Variants in FSTL4 observed in about 807,000 individuals in gnomAD.
FSTL4 encodes the protein follistatin like 4.
Under a neutral mutation model 78.2 loss-of-function variants are expected in FSTL4, and 28 were observed. The ratio of observed to expected loss-of-function variants is 0.36; its 90% confidence interval spans 0.27 to 0.49. The LOEUF is 0.49. Among genes scored for constraint, FSTL4 ranks in the 20% least tolerant of loss-of-function variants. The probability of loss-of-function intolerance (pLI) is 0.98; values close to 1 mark genes in which losing one functional copy is unlikely to be tolerated. For synonymous variants in FSTL4, 422 were observed against 440.5 expected (o/e 0.96, Z 0.53); for missense variants, 922 against 1,084.9 (o/e 0.85, Z 2.11).
intron 6 of FSTL4, among the ~76,000 whole-genome samples, chr5:133,263,304 G>A (rs1468762512): frequency 1.3e-5 from 2 of 152,164 alleles, no homozygotes; most frequent in South Asian, 4.1e-4. Context: ...GAAATTTATT[G>A]ATGCATAAGT....
the FSTL4 span, among the ~76,000 whole-genome samples, chr5:133,740,336 G>A: frequency 2.6e-5 from 4 of 152,118 alleles, no homozygotes; most frequent in Non-Finnish European, 5.9e-5. Flanking sequence ...CCTGCCCCTG[G>A]CCCCACATCT....
chr5:133,413,087 AC>A (rs1561707866), intron 3 of FSTL4, among the ~76,000 whole-genome samples: 15 of 152,046 alleles, frequency 9.9e-5, no homozygotes, highest in African/African-American at 3.6e-4. Flanking sequence ...TTATTCTTCT[AC>A]TGTTTATCTC....
At chr5:133,373,378 T>A (rs909688455) in intron 4 of FSTL4, among the ~76,000 whole-genome samples, 7 of 150,946 alleles carry the variant, frequency 4.6e-5, no homozygotes, top group African/African-American at 1.7e-4. Flanking sequence ...ATTGGAAGAG[T>A]TTTTTCCGAG....
At chr5:133,718,067 AGTTT>A in the FSTL4 span, among the ~76,000 whole-genome samples, 2,851 of 151,368 alleles carry the variant, frequency 0.019, 83 homozygotes, top group African/African-American at 0.066. Context: ...TCCAATATTT[AGTTT>A]GTTTGTTTGT....
intron 3 of FSTL4, among the ~76,000 whole-genome samples, chr5:133,444,160 A>G (rs943907798): frequency 2.0e-5 from 3 of 152,234 alleles, no homozygotes; most frequent in South Asian, 2.1e-4. Context: ...TGTTTGTTAA[A>G]TGACTAAACA....
intron 3 of FSTL4, among the ~76,000 whole-genome samples, chr5:133,565,354 C>T (rs755726130): frequency 2.6e-5 from 4 of 152,178 alleles, no homozygotes; most frequent in African/African-American, 9.7e-5. Context: ...AATTCCCAGA[C>T]CTAAAAATAC....
chr5:133,375,012 T>C lies in FSTL4; in HGVS notation c.409+25726A>G, dbSNP rs560251904. Among the ~76,000 whole-genome samples the C allele has an allele frequency of 7.9e-5, 12 of 151,944 alleles. No individual in the cohort carries two copies. In the East Asian group the frequency reaches 2.3e-3, roughly 29 times the overall value. ...ATCTTGGAGTCCCAAAACTTTAGAG[T>C]TGGATGGAACCTTGAGAGGCAATCA... On this transcript the variant is annotated intron_variant, in intron 4 of 15. Coordinates refer to ENST00000265342, the MANE Select transcript of FSTL4 (RefSeq NM_015082.2).
At chr5:133,669,695 G>A in the FSTL4 span, among the ~76,000 whole-genome samples, 1 of 152,166 alleles carries the variant, frequency 6.6e-6, no homozygotes, top group Non-Finnish European at 1.5e-5. Context: ...AGAACCAAGC[G>A]AGTCCAGAGG....
At chr5:133,723,016 C>T in the FSTL4 span, among the ~76,000 whole-genome samples, 2,690 of 152,236 alleles carry the variant, frequency 0.018, 82 homozygotes, top group African/African-American at 0.061. Context: ...GAGGTGATTT[C>T]TCTTGGTGTT....
chr5:133,315,148 C>T (rs1238221091), intron 5 of FSTL4, among the ~76,000 whole-genome samples: 2 of 152,110 alleles, frequency 1.3e-5, no homozygotes, highest in African/African-American at 2.4e-5. Context: ...GGTGACAGAG[C>T]GAGACCATGT....
intron 3 of FSTL4, among the ~76,000 whole-genome samples, chr5:133,538,014 C>T (rs2112915596): frequency 6.6e-6 from 1 of 152,214 alleles, no homozygotes; most frequent in East Asian, 1.9e-4. Context: ...TCAACACAGC[C>T]TCCTACAGTA....
intron 2 of FSTL4, among the ~76,000 whole-genome samples, chr5:133,594,634 C>T (rs11948984): frequency 0.21 from 31,877 of 152,188 alleles, 3,518 homozygotes; most frequent in East Asian, 0.32. Flanking sequence ...GCAGGCCTCT[C>T]CCGTTTGACA....
At chr5:133,394,135 G>A (rs924616469) in intron 4 of FSTL4, among the ~76,000 whole-genome samples, 6 of 152,358 alleles carry the variant, frequency 3.9e-5, no homozygotes, top group East Asian at 3.9e-4. Flanking sequence ...TGGGCTTCAC[G>A]GTCCCTCTTT....
the FSTL4 span, among the ~76,000 whole-genome samples, chr5:133,779,415 T>C: frequency 6.6e-6 from 1 of 152,094 alleles, no homozygotes; most frequent in Admixed American, 6.5e-5. Context: ...TGAAACCCCA[T>C]TTCTACTAAA....
chr5:133,388,448 GA>G (rs1245776209), intron 4 of FSTL4: 3 of 145,688 alleles, frequency 2.1e-5, no homozygotes, highest in Admixed American at 6.8e-5. Flanking sequence ...TCCAAGAACA[GA>G]ATGTTTTTTT....
chr5:133,378,327 C>T (rs1755490232), intron 4 of FSTL4, among the ~76,000 whole-genome samples: 1 of 152,116 alleles, frequency 6.6e-6, no homozygotes, highest in African/African-American at 2.4e-5. Flanking sequence ...ACAATTGTGC[C>T]TATAACATAC....
intron 7 of FSTL4, among the ~76,000 whole-genome samples, chr5:133,241,771 A>C (rs368456880): frequency 1.3e-5 from 2 of 152,206 alleles, no homozygotes; most frequent in East Asian, 1.9e-4. Context: ...GAAACCTGCA[A>C]CCCTCTTCCT....
At chr5:133,510,787 G>A (rs1036087655) in intron 3 of FSTL4, among the ~76,000 whole-genome samples, 2 of 151,994 alleles carry the variant, frequency 1.3e-5, no homozygotes, top group Non-Finnish European at 2.9e-5. Context: ...TGCCTCTACC[G>A]GTGAGTCAGC....
At chr5:133,203,774 A>AAATT (rs1421980780) in intron 14 of FSTL4, among the ~76,000 whole-genome samples, 5 of 152,306 alleles carry the variant, frequency 3.3e-5, no homozygotes, top group African/African-American at 9.6e-5. Context: ...TAGAGATGGA[A>AAATT]AATTACAGGC....
Sources: allele counts gnomAD v4.1 joint callset (sites outside exome capture counted in the v4.1 genomes callset), GRCh38; gene constraint gnomAD v4.1.1; transcripts MANE v1.5; gene names NCBI Gene and HGNC (gene_info 2026-07-23, HGNC 2026-07-21).